Variants in FBXO15 observed in about 807,000 individuals in gnomAD.
The protein encoded by FBXO15 is F-box protein 15.
Under a neutral mutation model 49.5 loss-of-function variants are expected in FBXO15, and 30 were observed. That is an observed-to-expected ratio of 0.61 (90% confidence interval 0.45 to 0.82). The LOEUF is 0.82. Among genes scored for constraint, FBXO15 ranks in the 40% least tolerant of loss-of-function variants. The pLI is 0.00. For synonymous variants in FBXO15, 250 were observed against 232.7 expected (o/e 1.07, Z -0.68); for missense variants, 591 against 631.5 (o/e 0.94, Z 0.69).
intron 8 of FBXO15, among the ~76,000 whole-genome samples, chr18:74,108,002 G>C (rs1913846626): frequency 1.3e-5 from 2 of 151,956 alleles, no homozygotes; most frequent in Admixed American, 6.6e-5. Context: ...CACAATCTGG[G>C]GTCACAGGCT....
At chr18:74,080,320 G>C (rs1912436561) in intron 9 of FBXO15, among the ~76,000 whole-genome samples, 2 of 152,280 alleles carry the variant, frequency 1.3e-5, no homozygotes, top group African/African-American at 4.8e-5. Flanking sequence ...CTGAATCCAA[G>C]AGCATAAAAG....
chr18:74,115,779 T>C (rs748676127), intron 8 of FBXO15, among the ~76,000 whole-genome samples: 20 of 152,240 alleles, frequency 1.3e-4, no homozygotes, highest in Non-Finnish European at 2.5e-4. Flanking sequence ...ACTTTTTCTA[T>C]GAGTCTAAGA....
intron 8 of FBXO15, among the ~76,000 whole-genome samples, chr18:74,090,441 G>C (rs571385245): frequency 6.6e-6 from 1 of 152,078 alleles, no homozygotes; most frequent in African/African-American, 2.4e-5. Context: ...CTTGTCTTCT[G>C]CTAACTTTGG....
chr18:74,133,143 C>T lies in FBXO15; in HGVS notation c.333-2485G>A, dbSNP rs184451949. 2.0e-5 allele frequency among the ~76,000 whole-genome samples: 3 copies of T among 152,224 alleles called. No individual in the cohort carries two copies. The East Asian group carries it at 5.8e-4, about 29-fold the overall frequency. On this transcript the variant is annotated intron_variant, in intron 3 of 9. Coordinates refer to ENST00000419743, the MANE Select transcript of FBXO15 (RefSeq NM_001142958.2). ...TCAGACGTTGACTTTAAGAGTCAGACTATGACTCTTTAGGTCCTTTAACAG... is the reference window on the plus strand; with the variant it reads ...TCAGACGTTGACTTTAAGAGTCAGATTATGACTCTTTAGGTCCTTTAACAG...
At chr18:74,100,373 A>G (rs1417012651) in intron 8 of FBXO15, among the ~76,000 whole-genome samples, 1 of 152,178 alleles carries the variant, frequency 6.6e-6, no homozygotes, top group Admixed American at 6.6e-5. Context: ...ACTGAATGAC[A>G]AAATGAGACA....
chr18:74,101,910 A>G (rs1223298758), intron 8 of FBXO15, among the ~76,000 whole-genome samples: 1 of 152,216 alleles, frequency 6.6e-6, no homozygotes, highest in Non-Finnish European at 1.5e-5. Context: ...TTGGCAAGTC[A>G]CATGTAGGAG....
rs143955336 is a variant in FBXO15 at position 74,108,791 on chromosome 18, G to C, written c.1138+14577C>G. ...AACTACAGAAAATCAAAAATGTTAA[G>C]ATCCTGAAAGAAACCAGAGGAAAAG... On this transcript the variant is annotated intron_variant, in intron 8 of 9. Coordinates refer to ENST00000419743, the MANE Select transcript of FBXO15 (RefSeq NM_001142958.2). Among the ~76,000 whole-genome samples, 30 of 152,186 alleles carry C rather than the reference G, an allele frequency of 2.0e-4. 1 individual carries two copies. Among genetic ancestry groups the C allele is most frequent in the African/African-American group, 5.5e-4 (23 of 41,534 alleles).
At chr18:74,124,832 T>G (rs1174608892) in intron 6 of FBXO15, among the ~76,000 whole-genome samples, 1 of 152,218 alleles carries the variant, frequency 6.6e-6, no homozygotes, top group South Asian at 2.1e-4. Flanking sequence ...AGCCTAGAGC[T>G]TGTGAAATAT....
intron 8 of FBXO15, among the ~76,000 whole-genome samples, chr18:74,114,342 T>C (rs1914142510): frequency 6.6e-6 from 1 of 152,218 alleles, no homozygotes; most frequent in Non-Finnish European, 1.5e-5. Context: ...TAGCTTGCAC[T>C]GGTTTCCTGC....
intron 8 of FBXO15, among the ~76,000 whole-genome samples, chr18:74,111,480 A>G (rs1305939792): frequency 6.6e-6 from 1 of 152,096 alleles, no homozygotes; most frequent in East Asian, 1.9e-4. Context: ...AATGTTTTGA[A>G]GTAAATGAGA....
At chr18:74,130,214 C>A (rs79555759) in intron 4 of FBXO15, among the ~76,000 whole-genome samples, 2,213 of 152,234 alleles carry the variant, frequency 0.015, 23 homozygotes, top group Non-Finnish European at 0.025. Flanking sequence ...AGTTCCCCCC[C>A]ACTAATATTT....
intron 8 of FBXO15, chr18:74,097,648 T>C (rs1913337754): frequency 6.6e-6 from 1 of 152,140 alleles, no homozygotes; most frequent in South Asian, 2.1e-4. Flanking sequence ...CCTAGCCCTG[T>C]CTCCACCTGA....
chr18:74,087,983 A>G (rs554750550), intron 8 of FBXO15, among the ~76,000 whole-genome samples: 2 of 152,092 alleles, frequency 1.3e-5, no homozygotes, highest in Non-Finnish European at 2.9e-5. Context: ...TGAGCATTTT[A>G]TCATATGCTT....
In FBXO15 at chr18:74,135,753, T is replaced by C. The variant is rs917025706; in HGVS notation, c.332+9A>G. On this transcript the variant is annotated intron_variant, in intron 3 of 9. Coordinates refer to ENST00000419743, the MANE Select transcript of FBXO15 (RefSeq NM_001142958.2). ...TCAAAACATAACAGAGACTTGGATT[T>C]CTGCTTACTTGTCATTGGCTAGATG... The C allele has an allele frequency of 4.4e-6, 7 of 1,588,224 alleles. 1 individual carries two copies. The Admixed American group carries it at 1.3e-4, about 30-fold the overall frequency.
At chr18:74,097,139 G>A (rs1021408733) in intron 8 of FBXO15, 8 of 152,242 alleles carry the variant, frequency 5.3e-5, no homozygotes, top group Non-Finnish European at 1.0e-4. Context: ...GGATCCTTGG[G>A]GAGGGTTGCC....
At chr18:74,142,340 C>A (rs1439832112) in intron 1 of FBXO15, among the ~76,000 whole-genome samples, 1 of 152,168 alleles carries the variant, frequency 6.6e-6, no homozygotes, top group African/African-American at 2.4e-5. Context: ...AGGAGAAAAG[C>A]TTAGGCTCCA....
At chr18:74,131,457 A>C (rs1314136624) in intron 3 of FBXO15, among the ~76,000 whole-genome samples, 1 of 152,160 alleles carries the variant, frequency 6.6e-6, no homozygotes, top group African/African-American at 2.4e-5. Context: ...CTTCAATCAC[A>C]AAGAAATGGG....
chr18:74,090,424 G>A (rs1231525332), intron 8 of FBXO15, among the ~76,000 whole-genome samples: 1 of 151,766 alleles, frequency 6.6e-6, no homozygotes, highest in East Asian at 1.9e-4. Flanking sequence ...TCTGATTTTG[G>A]TTATCTCTTG....
intron 8 of FBXO15, among the ~76,000 whole-genome samples, chr18:74,084,941 C>T (rs965942539): frequency 6.6e-6 from 1 of 151,966 alleles, no homozygotes; most frequent in Non-Finnish European, 1.5e-5. Context: ...TAAGTACCCT[C>T]TATACTTTAT....
Sources: gnomAD v4.1 joint callset for allele counts (sites outside exome capture counted in the v4.1 genomes callset) on GRCh38, gnomAD v4.1.1 for gene constraint, MANE v1.5 for transcripts, NCBI Gene and HGNC (gene_info 2026-07-23, HGNC 2026-07-21) for gene names.